The following ENTREP2 variants were observed in gnomAD, a reference collection of about 807,000 sequenced individuals.
ENTREP2 encodes the protein endosomal transmembrane epsin interactor 2.
At chr15:29,362,949 T>C in the ENTREP2 span, among the ~76,000 whole-genome samples, 1 of 152,234 alleles carries the variant, frequency 6.6e-6, no homozygotes, top group Admixed American at 6.5e-5. Flanking sequence ...TCCCTGCTGA[T>C]ATTTAATACT....
the ENTREP2 span, among the ~76,000 whole-genome samples, chr15:29,422,978 G>C: frequency 1.3e-5 from 2 of 152,206 alleles, no homozygotes; most frequent in African/African-American, 4.8e-5. Flanking sequence ...AGGTGAGTGT[G>C]TCTTTAATGT....
chr15:29,557,845 T>C, the ENTREP2 span, among the ~76,000 whole-genome samples: 1 of 152,104 alleles, frequency 6.6e-6, no homozygotes, highest in Non-Finnish European at 1.5e-5. Flanking sequence ...TCAGGAATTG[T>C]CCCCCAACAT....
chr15:29,245,677 C>T, the ENTREP2 span, among the ~76,000 whole-genome samples: 2 of 151,578 alleles, frequency 1.3e-5, no homozygotes, highest in African/African-American at 2.4e-5. Flanking sequence ...AGGTAACAAA[C>T]GTGAAGTGGC....
the ENTREP2 span, among the ~76,000 whole-genome samples, chr15:29,173,700 T>C: frequency 5.9e-5 from 9 of 152,226 alleles, no homozygotes; most frequent in East Asian, 1.2e-3. Flanking sequence ...TTGGTTATCA[T>C]ATTTGGTTTG....
chr15:29,399,477 TAATTAG>T, the ENTREP2 span, among the ~76,000 whole-genome samples: 2 of 152,186 alleles, frequency 1.3e-5, no homozygotes, highest in Non-Finnish European at 2.9e-5. Flanking sequence ...AGTGATCACC[TAATTAG>T]AAAACCCAAA....
the ENTREP2 span, among the ~76,000 whole-genome samples, chr15:29,490,205 G>A: frequency 6.6e-6 from 1 of 151,910 alleles, no homozygotes; most frequent in African/African-American, 2.4e-5. Flanking sequence ...TTAGTTCCTT[G>A]TGGTGTTCGG....
the ENTREP2 span, among the ~76,000 whole-genome samples, chr15:29,489,347 A>G: frequency 2.0e-5 from 3 of 152,146 alleles, no homozygotes. Flanking sequence ...TATAGACTAA[A>G]CCATATGGAA....
the ENTREP2 span, among the ~76,000 whole-genome samples, chr15:29,137,867 C>T: frequency 6.6e-5 from 10 of 151,896 alleles, no homozygotes; most frequent in South Asian, 2.1e-4. Context: ...CAAACAAAGA[C>T]GGCATTTCTC....
the ENTREP2 span, among the ~76,000 whole-genome samples, chr15:29,404,882 T>C: frequency 6.6e-6 from 1 of 151,704 alleles, no homozygotes; most frequent in African/African-American, 2.4e-5. Context: ...ATACCCCACG[T>C]CCCTCCCCCA....
the ENTREP2 span, among the ~76,000 whole-genome samples, chr15:29,594,205 C>G: frequency 2.6e-5 from 4 of 152,124 alleles, no homozygotes; most frequent in East Asian, 7.7e-4. Flanking sequence ...ATGACTGAAA[C>G]AGATAGGGAG....
the ENTREP2 span, among the ~76,000 whole-genome samples, chr15:29,628,420 G>T: frequency 6.6e-6 from 1 of 152,108 alleles, no homozygotes; most frequent in Non-Finnish European, 1.5e-5. Flanking sequence ...GTGAAGGTTT[G>T]TTTTTTATGA....
chr15:29,534,218 A>G, the ENTREP2 span, among the ~76,000 whole-genome samples: 5 of 150,972 alleles, frequency 3.3e-5, no homozygotes, highest in Admixed American at 2.7e-4. Flanking sequence ...CTGTGGCTCC[A>G]GCTTTTACAA....
At chr15:29,502,265 A>G in the ENTREP2 span, among the ~76,000 whole-genome samples, 1 of 151,986 alleles carries the variant, frequency 6.6e-6, no homozygotes, top group Admixed American at 6.6e-5. Context: ...TACTGGTATA[A>G]GACAGTCAAA....
the ENTREP2 span, among the ~76,000 whole-genome samples, chr15:29,142,816 G>A: frequency 6.6e-6 from 1 of 151,880 alleles, no homozygotes; most frequent in South Asian, 2.1e-4. Flanking sequence ...GGAAGTAAGT[G>A]AAGAAGAAAA....
the ENTREP2 span, among the ~76,000 whole-genome samples, chr15:29,162,892 C>T: frequency 6.6e-6 from 1 of 152,104 alleles, no homozygotes; most frequent in African/African-American, 2.4e-5. Context: ...GCTAAGAGCC[C>T]TCACGAAGTC....
At chr15:29,210,728 T>C in the ENTREP2 span, among the ~76,000 whole-genome samples, 1 of 152,158 alleles carries the variant, frequency 6.6e-6, no homozygotes, top group African/African-American at 2.4e-5. Context: ...TCTGAGCTTC[T>C]CTGTGTGGTC....
the ENTREP2 span, among the ~76,000 whole-genome samples, chr15:29,286,011 AAACT>A: frequency 6.6e-6 from 1 of 152,236 alleles, no homozygotes; most frequent in African/African-American, 2.4e-5. Flanking sequence ...GATTTTTTTT[AAACT>A]AACAAAACAA....
the ENTREP2 span, among the ~76,000 whole-genome samples, chr15:29,541,890 C>G: frequency 6.6e-6 from 1 of 152,230 alleles, no homozygotes; most frequent in Non-Finnish European, 1.5e-5. Flanking sequence ...AAAAGCGTAA[C>G]AGGTCTTTCT....
At chr15:29,281,544 C>A in the ENTREP2 span, among the ~76,000 whole-genome samples, 1 of 152,212 alleles carries the variant, frequency 6.6e-6, no homozygotes, top group Non-Finnish European at 1.5e-5. Context: ...GCAACTGTCT[C>A]ATGACTGAGT....
Sources: allele counts gnomAD v4.1 joint callset (sites outside exome capture counted in the v4.1 genomes callset), GRCh38; gene constraint gnomAD v4.1.1; transcripts MANE v1.5; gene names NCBI Gene and HGNC (gene_info 2026-07-23, HGNC 2026-07-21).